Variants in GRID1 observed in about 807,000 individuals in gnomAD.
The protein encoded by GRID1 is glutamate receptor ionotropic, delta-1.
A neutral mutation model predicts 98.0 loss-of-function variants in GRID1; 28 were observed. The ratio of observed to expected loss-of-function variants is 0.29; its 90% CI spans 0.21 to 0.39. GRID1 has a LOEUF of 0.39. GRID1 is among the 10% of genes least tolerant of loss of function. The pLI, the probability that GRID1 is intolerant of heterozygous loss-of-function variation, is 1.00. For missense variants in GRID1, 1,111 were observed against 1,340.5 expected (o/e 0.83, Z 2.67); for synonymous variants, 553 against 538.5 (o/e 1.03, Z -0.37).
At chr10:86,347,649 C>CG (rs1394422169) in intron 2 of GRID1, among the ~76,000 whole-genome samples, 4 of 152,206 alleles carry the variant, frequency 2.6e-5, no homozygotes, top group African/African-American at 9.6e-5. Context: ...GGTGTGGAGA[C>CG]GGAGGCAGAG....
intron 4 of GRID1, among the ~76,000 whole-genome samples, chr10:86,053,879 C>T (rs184933235): frequency 3.3e-5 from 5 of 152,318 alleles, no homozygotes; most frequent in East Asian, 3.9e-4. Context: ...TGCTCACACA[C>T]GTGTGCACAC....
chr10:86,083,960 G>C (rs1449046060), intron 4 of GRID1, among the ~76,000 whole-genome samples: 3 of 152,218 alleles, frequency 2.0e-5, no homozygotes, highest in Non-Finnish European at 4.4e-5. Flanking sequence ...CAAGGGAAGG[G>C]GCGAGGCTTC....
intron 3 of GRID1, among the ~76,000 whole-genome samples, chr10:86,171,765 T>C (rs1445157098): frequency 6.6e-6 from 1 of 152,192 alleles, no homozygotes; most frequent in Non-Finnish European, 1.5e-5. Context: ...CATTAGAAAC[T>C]TGAAATAGTA....
chr10:85,749,197 G>T (rs181129163), intron 8 of GRID1, among the ~76,000 whole-genome samples: 1 of 152,184 alleles, frequency 6.6e-6, no homozygotes, highest in East Asian at 1.9e-4. Flanking sequence ...GTGAGTTTGG[G>T]GCCATGTGCC....
At position 85,767,448 on chromosome 10, in the gene GRID1, T is replaced by C. The variant is rs545216460; in HGVS notation, c.1234-37834A>G. Among the ~76,000 whole-genome samples, 12 of 152,348 alleles carry C rather than the reference T, an allele frequency of 7.9e-5. 1 individual carries two copies. The highest frequency in any genetic ancestry group is 3.9e-4 in the Admixed American group (6 of 15,310). ...TCATATTCATTAAAAATTCAAATAA[T>C]TTAAATAGCATATCTAATATACAAG... is the stretch of plus-strand genomic sequence containing the variant. On this transcript the variant is annotated intron_variant, in intron 8 of 15. Coordinates refer to ENST00000327946, the MANE Select transcript of GRID1 (RefSeq NM_017551.3).
intron 8 of GRID1, among the ~76,000 whole-genome samples, chr10:85,769,885 C>T (rs1842239306): frequency 1.3e-5 from 2 of 152,220 alleles, no homozygotes; most frequent in Admixed American, 1.3e-4. Flanking sequence ...TAGGCTCCAC[C>T]TCTGGGGGCA....
intron 4 of GRID1, among the ~76,000 whole-genome samples, chr10:85,994,695 T>C (rs1001904578): frequency 2.0e-5 from 3 of 152,234 alleles, no homozygotes; most frequent in Non-Finnish European, 4.4e-5. Context: ...GTCCCCCAGC[T>C]GGTCGCCTGG....
At chr10:85,642,121 A>G (rs146916533) in intron 13 of GRID1, among the ~76,000 whole-genome samples, 27 of 152,304 alleles carry the variant, frequency 1.8e-4, no homozygotes, top group African/African-American at 6.5e-4. Flanking sequence ...GATAATAGAT[A>G]TTTTAGGCTT....
chr10:85,987,656 A>G (rs1360939473), intron 4 of GRID1, among the ~76,000 whole-genome samples: 4 of 149,866 alleles, frequency 2.7e-5, no homozygotes, highest in Admixed American at 6.6e-5. Context: ...ACTCCAACAT[A>G]TCCCTTCGTC....
intron 2 of GRID1, among the ~76,000 whole-genome samples, chr10:86,334,004 C>T (rs918662431): frequency 6.6e-6 from 1 of 152,100 alleles, no homozygotes; most frequent in Non-Finnish European, 1.5e-5. Flanking sequence ...GCCGCCACCC[C>T]CTCCCTTCTC....
intron 4 of GRID1, among the ~76,000 whole-genome samples, chr10:86,014,813 C>G (rs1842961215): frequency 6.6e-6 from 1 of 152,208 alleles, no homozygotes; most frequent in Non-Finnish European, 1.5e-5. Flanking sequence ...TCATGTGACT[C>G]TGGCCACGCT....
chr10:86,102,650 CT>C (rs1844313785), intron 4 of GRID1, among the ~76,000 whole-genome samples: 1 of 152,254 alleles, frequency 6.6e-6, no homozygotes, highest in African/African-American at 2.4e-5. Flanking sequence ...TGGAAAGGCC[CT>C]ACCTGGGAGC....
chr10:86,278,485 C>G (rs1055778586), intron 2 of GRID1, among the ~76,000 whole-genome samples: 1 of 151,946 alleles, frequency 6.6e-6, no homozygotes, highest in Non-Finnish European at 1.5e-5. Flanking sequence ...ATCAAGGAAA[C>G]CAAAAGCTGG....
chr10:85,688,047 G>A (rs534421485), intron 12 of GRID1, among the ~76,000 whole-genome samples: 1 of 152,354 alleles, frequency 6.6e-6, no homozygotes, highest in South Asian at 2.1e-4. Flanking sequence ...GATTCACAGA[G>A]GAGGGAGCAC....
chr10:86,087,938 A>G (rs1259864109), intron 4 of GRID1, among the ~76,000 whole-genome samples: 1 of 152,198 alleles, frequency 6.6e-6, no homozygotes, highest in African/African-American at 2.4e-5. Flanking sequence ...CTATCTGCTT[A>G]TGCAGAGCAC....
At chr10:85,719,628 C>T (rs1054630851) in intron 12 of GRID1, among the ~76,000 whole-genome samples, 1 of 151,926 alleles carries the variant, frequency 6.6e-6, no homozygotes, top group African/African-American at 2.4e-5. Context: ...AAAGACAGGC[C>T]CCTATGATTC....
chr10:86,199,316 T>C (rs1845916180), intron 3 of GRID1, among the ~76,000 whole-genome samples: 1 of 152,050 alleles, frequency 6.6e-6, no homozygotes, highest in Non-Finnish European at 1.5e-5. Context: ...GGAACTAGAG[T>C]TTTCCATTAC....
chr10:86,133,617 C>T (rs1844871543), intron 4 of GRID1, among the ~76,000 whole-genome samples: 1 of 152,184 alleles, frequency 6.6e-6, no homozygotes, highest in Non-Finnish European at 1.5e-5. Flanking sequence ...AAACAGGCAA[C>T]CAAAGTACAC....
At chr10:86,120,629 A>G (rs1844651228) in intron 4 of GRID1, among the ~76,000 whole-genome samples, 1 of 152,206 alleles carries the variant, frequency 6.6e-6, no homozygotes, top group South Asian at 2.1e-4. Context: ...TCAGAATTCC[A>G]TTATCCTCAC....
Sources: allele counts gnomAD v4.1 joint callset (sites outside exome capture counted in the v4.1 genomes callset), GRCh38; gene constraint gnomAD v4.1.1; transcripts MANE v1.5; gene names NCBI Gene and HGNC (gene_info 2026-07-23, HGNC 2026-07-21).